CDHR2: variants seen among roughly 807,000 people sequenced by gnomAD.
CDHR2 encodes the protein cadherin related family member 2, also known as cadherin-related family member 2.
A neutral mutation model predicts 138.6 loss-of-function variants in CDHR2; 104 were observed. The ratio of observed to expected loss-of-function variants is 0.75; its 90% CI spans 0.64 to 0.88. CDHR2 has a LOEUF of 0.88. Among genes scored for constraint, CDHR2 ranks in the 40% least tolerant of loss-of-function variants. The pLI, the probability that CDHR2 is intolerant of heterozygous loss-of-function variation, is 0.00. For missense variants in CDHR2, 1,624 were observed against 1,727.6 expected (o/e 0.94, Z 1.06); for synonymous variants, 755 against 742.8 (o/e 1.02, Z -0.27).
At position 176,543,943 on chromosome 5, in the gene CDHR2, A is replaced by G. The variant is rs1468454042; in HGVS notation, c.-16+1174A>G. ...CGCTAGAGCCAACCTGGACCAGGGC[A>G]TGGCCGGCACCAGCTCAGGCCGCGG... On this transcript the variant is annotated intron_variant, in intron 1 of 31. Coordinates refer to the CDHR2 transcript ENST00000510636. This position sits in a 1 kb window ranked among gnomAD's most constrained non-coding sequence, Gnocchi z 4.0. Among the ~76,000 whole-genome samples, 2 of 152,196 alleles carry G rather than the reference A, an allele frequency of 1.3e-5. No homozygotes were observed. The highest frequency in any genetic ancestry group is 4.8e-5 in the African/African-American group (2 of 41,454).
chr5:176,569,954 C>T (rs994631177), intron 5 of CDHR2, among the ~76,000 whole-genome samples: 8 of 139,936 alleles, frequency 5.7e-5, no homozygotes, highest in African/African-American at 2.0e-4. Flanking sequence ...CACGAGACTC[C>T]GTCTCAAAAA....
chr5:176,564,927 GT>G (rs1758044921), intron 1 of CDHR2, among the ~76,000 whole-genome samples: 1 of 152,180 alleles, frequency 6.6e-6, no homozygotes, highest in African/African-American at 2.4e-5. Context: ...AGATGGTGCA[GT>G]GGTTGAGAGA....
In CDHR2 at chr5:176,592,772, G is replaced by A; in HGVS notation, c.3784G>A (p.Glu1262Lys). ...NSVDVDKNSQ[E>K]IKEHRPPHTP... ...TGTGGATGTGGACAAGAACAGTCAG[G>A]AAATCAAGGCAAGATGGGGGATGAA... Residue 1262 changes from glutamate (E) to lysine (K), a missense_variant, in exon 31 of 32, where the codon GAA becomes AAA. Coordinates refer to ENST00000261944, the MANE Select transcript of CDHR2 (RefSeq NM_017675.6). 3 of 1,613,834 alleles carry A rather than the reference G, an allele frequency of 1.9e-6. No homozygotes were observed. The highest frequency in any genetic ancestry group is 2.5e-6 in the Non-Finnish European group (3 of 1,179,836).
intron 6 of CDHR2, 30 bp downstream of exon 6, chr5:176,571,332 C>T (rs778234211): frequency 6.6e-7 from 1 of 1,521,664 alleles, no homozygotes; most frequent in South Asian, 1.2e-5. Context: ...GGTTGTGGGG[C>T]AGGGGGCATC....
In CDHR2 at chr5:176,576,333, G is replaced by A; in HGVS notation, c.1194+148G>A. ...GAATGGGGGTGCTGGGTGCTCTCTG[G>A]AAGCCTGTGTTGGTAAGCAGTATCA... is the stretch of plus-strand genomic sequence containing the variant. On this transcript the variant is annotated intron_variant, in intron 12 of 31. Coordinates refer to ENST00000261944, the MANE Select transcript of CDHR2 (RefSeq NM_017675.6). This position sits in a 1 kb window ranked among gnomAD's most constrained non-coding sequence, Gnocchi z 4.5. 1 of 672,930 alleles carries A rather than the reference G, an allele frequency of 1.5e-6. No individual in the cohort carries two copies. Among genetic ancestry groups the A allele is most frequent in the Non-Finnish European group, 2.6e-6 (1 of 388,684 alleles). 41.7% of individuals were successfully genotyped at this position (672,930 alleles called of 1,614,324 possible). A position where few individuals can be genotyped will look rare whatever the true frequency, so the allele number is the denominator to read the frequency against.
intron 1 of CDHR2, among the ~76,000 whole-genome samples, chr5:176,558,736 G>A (rs945481534): frequency 4.0e-5 from 6 of 150,990 alleles, no homozygotes; most frequent in South Asian, 2.1e-4. Flanking sequence ...TAGCCAGGAT[G>A]GTCTCGATCT....
chr5:176,550,721 A>G (rs1027351678), intron 1 of CDHR2, among the ~76,000 whole-genome samples: 4 of 152,296 alleles, frequency 2.6e-5, no homozygotes, highest in Non-Finnish European at 5.9e-5. Flanking sequence ...ATCGTGGCTG[A>G]GTGCACCCCG....
Position 176,586,102 on chromosome 5 carries a change from T to C in CDHR2, c.2806+77T>C, listed in dbSNP as rs1758657990. ...TTGAGCAACCCCGACAGACCCTCCT[T>C]GGACCCCAGGGGGAGCCTTTAGAAA... On this transcript the variant is annotated intron_variant, in intron 20 of 31. Coordinates refer to ENST00000261944, the MANE Select transcript of CDHR2 (RefSeq NM_017675.6). The C allele has an allele frequency of 7.5e-5, 88 of 1,180,328 alleles. 1 individual carries two copies. The South Asian group carries it at 1.0e-3, about 14-fold the overall frequency. The allele number at this position is 1,180,328 out of a possible 1,614,324, so 73.1% of individuals were successfully genotyped here.
intron 1 of CDHR2, 105 bp from the exon 2 acceptor site, chr5:176,565,233 T>G: frequency 1.3e-6 from 1 of 787,722 alleles, no homozygotes; most frequent in Non-Finnish European, 2.3e-6. Context: ...GGAGAACTAC[T>G]AAGCAGCAGT....
At chr5:176,592,666 G>T in intron 30 of CDHR2, 57 bp from the exon 31 acceptor site, 1 of 1,492,802 alleles carries the variant, frequency 6.7e-7, no homozygotes, top group Admixed American at 1.7e-5. Context: ...TGGTTCTTGG[G>T]CACAGTAAGG....
At chr5:176,568,851 C>T (rs368788687) in intron 4 of CDHR2, 34 bp downstream of exon 4, 304 of 1,612,538 alleles carry the variant, frequency 1.9e-4, no homozygotes, top group Non-Finnish European at 2.2e-4. Context: ...GCACGGGACG[C>T]GGAGGGGGTG....
rs1757516743 is a variant in CDHR2, at chr5:176,543,744, A to C, written c.-16+975A>C. 1 of 152,182 alleles carries C rather than the reference A, an allele frequency of 6.6e-6. No individual in the cohort carries two copies. Among genetic ancestry groups the C allele is most frequent in the South Asian group, 2.1e-4 (1 of 4,828 alleles). 9.4% of individuals were successfully genotyped at this position (152,182 alleles called of 1,614,324 possible). On this transcript the variant is annotated intron_variant, in intron 1 of 31. Transcript: ENST00000510636. This position sits in a 1 kb window ranked among gnomAD's most constrained non-coding sequence, Gnocchi z 4.0. ...TAGCTAATAGCTGTCTGGGGTCAGC[A>C]GATCTTGGTTCCCCGCTTTGGGCCA...
At chr5:176,591,065 C>T in intron 28 of CDHR2, 145 bp from the exon 29 acceptor site, 1 of 634,214 alleles carries the variant, frequency 1.6e-6, no homozygotes, top group Non-Finnish European at 2.8e-6. Context: ...AAATCACTTG[C>T]CTTCTCTGGC....
chr5:176,549,796 C>T lies in CDHR2; in HGVS notation c.-16+382C>T, dbSNP rs147230775. Among the ~76,000 whole-genome samples, 864 of 152,280 alleles carry T rather than the reference C, an allele frequency of 5.7e-3. 9 individuals are homozygous for T. The highest frequency in any genetic ancestry group is 0.02 in the African/African-American group (815 of 41,544). On this transcript the variant is annotated intron_variant, in intron 1 of 31. Transcript: ENST00000261944. The stretch of plus-strand genomic sequence containing the variant: ...GACCTGGGCTCTTACCCCAGCTGCT[C>T]GGTTCACATCCCAGCTCCACCCTGA...
chr5:176,556,330 T>C (rs59271047), intron 1 of CDHR2, among the ~76,000 whole-genome samples: 1,666 of 152,146 alleles, frequency 0.011, 34 homozygotes, highest in African/African-American at 0.038. Context: ...GATAGCGCCA[T>C]TGCACTCCAG....
At chr5:176,573,605 C>T (rs1354540725) in intron 6 of CDHR2, among the ~76,000 whole-genome samples, 1 of 151,892 alleles carries the variant, frequency 6.6e-6, no homozygotes, top group Non-Finnish European at 1.5e-5. Context: ...CGAGATCGTG[C>T]CCCTTCACTC....
chr5:176,569,073 C>T lies in CDHR2; in HGVS notation c.315+63C>T, dbSNP rs546128991. The T allele has an allele frequency of 2.6e-6, 4 of 1,517,646 alleles. No individual in the cohort carries two copies. In the Admixed American group the frequency reaches 5.4e-5, roughly 20 times the overall value. 94.0% of individuals were successfully genotyped at this position (1,517,646 alleles called of 1,614,324 possible). On this transcript the variant is annotated intron_variant, in intron 5 of 31. Transcript: ENST00000261944. ...GAGAGTCCATTCCTGATTGTGTCCC[C>T]ACCTCCGGCAAGCGGACGGTGCCCC...
At chr5:176,592,477 AGGTGAT>A (rs1330292957) in intron 30 of CDHR2, among the ~76,000 whole-genome samples, 13 of 84,016 alleles carry the variant, frequency 1.5e-4, no homozygotes, top group South Asian at 3.8e-4. Context: ...GTTGGTGTTG[AGGTGAT>A]GGTGATGGTG....
chr5:176,589,655 C>G lies in CDHR2; in HGVS notation c.3206+39C>G, dbSNP rs376620052. ...GCCCCGGAGGGAGGGGTAGGAAGAACAGGGTGTAGGAGCCTGGTCCCCGAC... is the reference window on the plus strand; with the variant it reads ...GCCCCGGAGGGAGGGGTAGGAAGAAGAGGGTGTAGGAGCCTGGTCCCCGAC... On this transcript the variant is annotated intron_variant, in intron 24 of 31. Coordinates refer to ENST00000261944, the MANE Select transcript of CDHR2 (RefSeq NM_017675.6). 2.5e-6 allele frequency: 4 copies of G among 1,578,848 alleles called. No individual in the cohort carries two copies. The African/African-American group carries it at 5.4e-5, about 21-fold the overall frequency.
Sources: gnomAD v4.1 joint callset for allele counts (sites outside exome capture counted in the v4.1 genomes callset) on GRCh38, gnomAD v4.1.1 for gene constraint, Gnocchi (gnomAD v3.1) non-coding constraint, MANE v1.5 for transcripts, NCBI Gene and HGNC (gene_info 2026-07-23, HGNC 2026-07-21) for gene names.